The following MGAM variants were observed in gnomAD, a reference collection of about 807,000 sequenced individuals.
MGAM encodes alpha-1,4-glucosidase.
A neutral mutation model predicts 358.8 loss-of-function variants in MGAM; 253 were observed. That is an observed-to-expected ratio of 0.71 (90% CI 0.64 to 0.78). MGAM has a LOEUF of 0.78. Among genes scored for constraint, MGAM ranks in the 30% least tolerant of loss-of-function variants. The probability of loss-of-function intolerance (pLI) is 0.00; values close to 1 mark genes in which losing one functional copy is unlikely to be tolerated. For missense variants in MGAM, 3,080 were observed against 3,432.6 expected, an observed-to-expected ratio of 0.90 and a Z score of 2.57; for synonymous variants, 1,105 against 1,227.1, an observed-to-expected ratio of 0.90 and a Z score of 2.08.
intron 9 of MGAM, 28 bp downstream of exon 9, chr7:142,027,255 T>G (rs895188019): frequency 1.3e-6 from 2 of 1,523,374 alleles, no homozygotes; most frequent in Non-Finnish European, 1.8e-6. Flanking sequence ...AGATTATGAC[T>G]CAGGAAATCC....
At position 142,078,372 on chromosome 7, in the gene MGAM, T is replaced by A. The variant is rs539333686; in HGVS notation, c.5548T>A (p.Trp1850Arg). The change falls in exon 48 of 71, where the codon TGG becomes AGG. Residue 1850 changes from tryptophan to arginine, a missense_variant. Trp to Arg is a moderately radical substitution (Grantham distance 101). This residue lies in a region of MGAM where 932 missense variants were observed against 1,198.2 expected (regional missense o/e 0.78). Coordinates refer to ENST00000475668, the MANE Select transcript of MGAM (RefSeq NM_001365693.1). ...CCTGGGAGAAGCATACACAGTGGAG[T>A]GGAGCATAAAGATAAGGGATGAAGA... Reference protein sequence around the residue: ...LFLGEAYTVEWSIKIRDEEKI... With the variant: ...LFLGEAYTVERSIKIRDEEKI... The A allele has an allele frequency of 4.7e-4, 706 of 1,516,902 alleles. 109 individuals carry two copies. Among genetic ancestry groups the A allele is most frequent in the Non-Finnish European group, 5.9e-4 (656 of 1,110,924 alleles). The allele number at this position is 1,516,902 out of a possible 1,614,324, so 94.0% of individuals were successfully genotyped here.
At chr7:142,069,531 G>T (rs1000469022) in intron 43 of MGAM, among the ~76,000 whole-genome samples, 2 of 145,674 alleles carry the variant, frequency 1.4e-5, no homozygotes, top group Non-Finnish European at 3.1e-5. Flanking sequence ...GTACAAGCAG[G>T]GATACAGGAA....
chr7:142,049,412 AC>A (rs1296184473), intron 22 of MGAM, among the ~76,000 whole-genome samples: 1 of 152,226 alleles, frequency 6.6e-6, no homozygotes, highest in Non-Finnish European at 1.5e-5. Flanking sequence ...TGGATATGAT[AC>A]CAAAAGCAAA....
chr7:142,035,864 T>G (rs1266351618), intron 16 of MGAM, among the ~76,000 whole-genome samples: 2 of 152,204 alleles, frequency 1.3e-5, no homozygotes, highest in African/African-American at 2.4e-5. Flanking sequence ...CTAGGTACTA[T>G]GCATCCAAAA....
chr7:142,102,586 A>C, intron 68 of MGAM, 44 bp from the exon 69 acceptor site: 1 of 1,575,676 alleles, frequency 6.3e-7, no homozygotes, highest in Non-Finnish European at 8.7e-7. Context: ...ATAGAGTTCT[A>C]CAGCACAGGT....
intron 63 of MGAM, 99 bp downstream of exon 63, chr7:142,094,962 AAT>A (rs894353160): frequency 2.1e-4 from 240 of 1,141,900 alleles, no homozygotes; most frequent in South Asian, 4.8e-4. Context: ...ATATCTTTAA[AAT>A]TTTTTTTTTT....
At chr7:142,040,653 G>T (rs1808430112) in intron 20 of MGAM, 69 bp from the exon 21 acceptor site, 6 of 1,571,878 alleles carry the variant, frequency 3.8e-6, no homozygotes, top group Admixed American at 1.8e-5. Flanking sequence ...GTATCACCAG[G>T]CATGTAGATA....
chr7:142,041,962 TATATATATTATATATATATA>T (rs1563145018), intron 21 of MGAM, among the ~76,000 whole-genome samples: 2 of 25,034 alleles, frequency 8.0e-5, no homozygotes, highest in African/African-American at 2.6e-4. Flanking sequence ...ATATATAATA[TATATATATTATATATATATA>T]ATATAATATA....
rs1554466122 is a variant in MGAM, at chr7:142,036,877, C to T, written c.2131C>T (p.His711Tyr). Residue 711 changes from histidine to tyrosine, a missense_variant, in exon 18 of 71, where the codon CAC (histidine) becomes TAC (tyrosine). By Grantham distance (83) the His-to-Tyr change is moderately conservative (BLOSUM62 2). This residue lies in a region of MGAM where 1,816 missense variants were observed against 1,840.5 expected (regional missense o/e 0.99). Coordinates refer to ENST00000475668, the MANE Select transcript of MGAM (RefSeq NM_001365693.1). Reference sequence around the variant, plus strand: ...CTCCCTGCTGTTGAATTCCTCCAGGCACTACCTTAACATCCGCTATACTCT... The same window carrying T: ...CTCCCTGCTGTTGAATTCCTCCAGGTACTACCTTAACATCCGCTATACTCT... The part of the protein sequence containing the change: ...ADSLLLNSSR[H>Y]YLNIRYTLLP... 7.4e-6 allele frequency: 12 copies of T among 1,613,644 alleles called. No homozygotes were observed. Among genetic ancestry groups the T allele is most frequent in the Middle Eastern group, 1.7e-4 (1 of 6,058 alleles).
intron 58 of MGAM, 102 bp from the exon 59 acceptor site, chr7:142,092,419 A>G (rs1336911610): frequency 2.5e-6 from 3 of 1,181,132 alleles, no homozygotes; most frequent in Non-Finnish European, 3.6e-6. Flanking sequence ...ATCTATAGGG[A>G]TTACTGGATG....
intron 21 of MGAM, among the ~76,000 whole-genome samples, chr7:142,045,494 G>A (rs1810115880): frequency 9.7e-6 from 1 of 102,644 alleles, no homozygotes; most frequent in African/African-American, 4.2e-5. Context: ...TACAATATAT[G>A]ATATTATATA....
intron 20 of MGAM, 72 bp from the exon 21 acceptor site, chr7:142,040,650 C>T (rs1195107982): frequency 3.8e-6 from 6 of 1,561,306 alleles, no homozygotes; most frequent in Non-Finnish European, 4.4e-6. Context: ...TGTGTATCAC[C>T]AGGCATGTAG....
At chr7:142,095,947 T>A (rs2129061917) in intron 64 of MGAM, 1 of 716,188 alleles carries the variant, frequency 1.4e-6, no homozygotes, top group African/African-American at 1.8e-5. Flanking sequence ...ATAGAATAAT[T>A]TCTTTCTAAT....
chr7:142,102,160 A>G (rs920260629), intron 68 of MGAM, among the ~76,000 whole-genome samples: 1 of 152,156 alleles, frequency 6.6e-6, no homozygotes, highest in Admixed American at 6.5e-5. Context: ...TCACATTTTT[A>G]AATTTGCCTA....
At chr7:142,042,010 ATATAATATATATATATTATATTATATAC>A (rs1808795562) in intron 21 of MGAM, among the ~76,000 whole-genome samples, 1 of 11,684 alleles carries the variant, frequency 8.6e-5, no homozygotes, top group African/African-American at 2.8e-4. Context: ...TATATATATA[ATATAATATATATATATTATATTATATAC>A]ATATAATATA....
chr7:142,019,398 G>C, intron 4 of MGAM, 79 bp downstream of exon 4: 1 of 1,508,436 alleles, frequency 6.6e-7, no homozygotes, highest in Non-Finnish European at 9.0e-7. Flanking sequence ...GCAGCCTGCA[G>C]AGTTCTGCTC....
chr7:142,100,046 G>A lies in MGAM; in HGVS notation c.7874+309G>A, dbSNP rs540036270. Among the ~76,000 whole-genome samples, 64 of 152,096 alleles carry A rather than the reference G, an allele frequency of 4.2e-4. 1 individual carries two copies. Among genetic ancestry groups the A allele is most frequent in the Admixed American group, 3.1e-3 (47 of 15,274 alleles). ...TCATAATAGTTTTAGTATACTATTG[G>A]GTCTGATTGAATATTTCCTAATAAA... On this transcript the variant is annotated intron_variant, in intron 67 of 70. Coordinates refer to ENST00000475668, the MANE Select transcript of MGAM (RefSeq NM_001365693.1).
In MGAM at chr7:142,072,595, T is replaced by G. The variant is rs1813432779; in HGVS notation, c.5186+1477T>G. ...GTTTAGGACCATCTAAATCTATTGT[T>G]AGTTCTTTGTTGCTGACTTTCCTTT... On this transcript the variant is annotated intron_variant, in intron 44 of 70. Coordinates refer to ENST00000475668, the MANE Select transcript of MGAM (RefSeq NM_001365693.1). 2.0e-5 allele frequency among the ~76,000 whole-genome samples: 3 copies of G among 146,606 alleles called. No homozygotes were observed. The South Asian group carries it at 6.5e-4, about 32-fold the overall frequency.
chr7:142,105,780 G>T lies in MGAM; in HGVS notation c.8185-34G>T, dbSNP rs190702895. ...TTTGCATGCAGGAAATTTCAACACCGGATGCCCAATTCTTTTCCTTTGGTT... is the reference window on the plus strand; with the variant it reads ...TTTGCATGCAGGAAATTTCAACACCTGATGCCCAATTCTTTTCCTTTGGTT... On this transcript the variant is annotated intron_variant, in intron 70 of 70. Coordinates refer to ENST00000475668, the MANE Select transcript of MGAM (RefSeq NM_001365693.1). 12 of 1,542,926 alleles carry T rather than the reference G, an allele frequency of 7.8e-6. No homozygotes were observed. In the South Asian group the frequency reaches 1.2e-4, roughly 16 times the overall value.
Sources: gnomAD v4.1 joint callset for allele counts (sites outside exome capture counted in the v4.1 genomes callset) on GRCh38, gnomAD v4.1.1 for gene constraint, gnomAD v4.1.1 regional missense constraint, MANE v1.5 for transcripts, NCBI Gene and HGNC (gene_info 2026-07-23, HGNC 2026-07-21) for gene names.